The following ZNF133 variants were observed in gnomAD, a reference collection of about 807,000 sequenced individuals.
ZNF133 encodes zinc finger protein 133.
In ZNF133, 26 loss-of-function variants were observed where a neutral mutation model predicts 54.9. The observed-to-expected ratio is 0.47, with a 90% CI of 0.35 to 0.66. ZNF133 has a LOEUF of 0.66. Among genes scored for constraint, ZNF133 ranks in the 30% least tolerant of loss-of-function variants. ZNF133 has a pLI of 0.01. For synonymous variants in ZNF133, 298 were observed against 320.3 expected, an observed-to-expected ratio of 0.93 and a Z score of 0.74; for missense variants, 653 against 820.8, an observed-to-expected ratio of 0.80 and a Z score of 2.50.
chr20:18,306,477 G>A (rs949255435), intron 6 of ZNF133, 84 bp downstream of exon 6: 3 of 1,394,776 alleles, frequency 2.2e-6, no homozygotes, highest in African/African-American at 1.4e-5. Context: ...TCAGGTGCTG[G>A]GGAGGGAAGC....
Position 18,315,533 on chromosome 20 carries a change from A to G in ZNF133, c.682A>G (p.Asn228Asp). ...ECGLSFSKMT[N>D]LLSHQRIHSG... ...TGGACTGAGCTTCAGCAAGATGACAAACCTGCTCAGTCACCAGCGGATACA... is the reference window on the plus strand; with the variant it reads ...TGGACTGAGCTTCAGCAAGATGACAGACCTGCTCAGTCACCAGCGGATACA... The change falls in exon 7 of 7, where the codon AAC becomes GAC. Residue 228 changes from asparagine to aspartate, a missense_variant. Around this residue, in one of 4 missense-constraint regions of ZNF133, gnomAD observed 292 missense variants for 431.6 expected, o/e 0.68. Transcript: ENST00000425686. 1 of 1,614,230 alleles carries G rather than the reference A, an allele frequency of 6.2e-7. No individual in the cohort carries two copies. Among genetic ancestry groups the G allele is most frequent in the Non-Finnish European group, 8.5e-7 (1 of 1,180,040 alleles).
chr20:18,294,161 G>T (rs578140646), intron 1 of ZNF133, among the ~76,000 whole-genome samples: 45 of 152,120 alleles, frequency 3.0e-4, no homozygotes, highest in Non-Finnish European at 5.1e-4. Flanking sequence ...GGTTAATATC[G>T]CCAGTAAAAA....
Position 18,315,610 on chromosome 20 carries a change from AAAG to A in ZNF133, c.764_766del (p.Lys255del). ...GGGTATGTGAGAAGGGCTTCAGCCT[AAAG>A]AAGAGCCTCGCCAGACACCAGAAGG... On this transcript the variant is annotated inframe_deletion, in exon 7 of 7. Coordinates refer to ENST00000425686, the MANE Select transcript of ZNF133 (RefSeq NM_001352452.2). 6.2e-7 allele frequency: 1 copy of A among 1,612,644 alleles called. No homozygotes were observed. The highest frequency in any genetic ancestry group is 8.5e-7 in the Non-Finnish European group (1 of 1,179,510).
At chr20:18,293,661 C>A (rs1280460047) in intron 1 of ZNF133, among the ~76,000 whole-genome samples, 1 of 151,676 alleles carries the variant, frequency 6.6e-6, no homozygotes, top group African/African-American at 2.4e-5. Context: ...TAAATCCATA[C>A]TGATATAAAT....
chr20:18,316,798 T>C lies in ZNF133; in HGVS notation c.1947T>C (p.Asp649=). 6.2e-7 allele frequency: 1 copy of C among 1,611,724 alleles called. No homozygotes were observed. The highest frequency in any genetic ancestry group is 1.3e-5 in the African/African-American group (1 of 75,022). ...AGCCGTGTGCAGGGCAACCTTCGGATTCCTTATACTCTCTCTGAAGGCAAA... is the reference window on the plus strand; with the variant it reads ...AGCCGTGTGCAGGGCAACCTTCGGACTCCTTATACTCTCTCTGAAGGCAAA... ...DPEPCAGQPS[D]SLYSL is the part of the protein sequence containing the mutation. The change falls in exon 7 of 7, where the codon GAT becomes GAC. Residue 649 remains aspartate, a synonymous_variant. Coordinates refer to ENST00000425686, the MANE Select transcript of ZNF133 (RefSeq NM_001352452.2).
chr20:18,311,210 A>C (rs1318891700), intron 6 of ZNF133, among the ~76,000 whole-genome samples: 1 of 151,694 alleles, frequency 6.6e-6, no homozygotes, highest in Non-Finnish European at 1.5e-5. Flanking sequence ...AGTCCCAGCT[A>C]CTTAGGAAGC....
chr20:18,315,818 G>A lies in ZNF133; in HGVS notation c.967G>A (p.Glu323Lys). 6.2e-7 allele frequency: 1 copy of A among 1,612,584 alleles called. No individual in the cohort carries two copies. The highest frequency in any genetic ancestry group is 8.5e-7 in the Non-Finnish European group (1 of 1,178,870). The change falls in exon 7 of 7, where the codon GAA (glutamate) becomes AAA (lysine). Residue 323 changes from glutamate (E) to lysine (K), a missense_variant. Transcript: ENST00000425686. Reference sequence around the variant, plus strand: ...CATACACCAGAGGACACACTCAGGGGAAAAGCCTTACGTGTGCCGGGAATG... The same window carrying A: ...CATACACCAGAGGACACACTCAGGGAAAAAGCCTTACGTGTGCCGGGAATG... ...LIIHQRTHSGEKPYVCRECGK... is the reference protein window; with the variant it reads ...LIIHQRTHSGKKPYVCRECGK...
intron 6 of ZNF133, 72 bp from the exon 7 acceptor site, chr20:18,314,997 G>T (rs528819623): frequency 2.7e-6 from 4 of 1,455,746 alleles, no homozygotes; most frequent in South Asian, 1.4e-5. Flanking sequence ...GAAGCCTAGG[G>T]GATCTGACTA....
intron 3 of ZNF133, among the ~76,000 whole-genome samples, chr20:18,301,632 A>G (rs559666650): frequency 6.6e-6 from 1 of 152,328 alleles, no homozygotes; most frequent in South Asian, 2.1e-4. Context: ...AGAACTATAA[A>G]TTGTATGCCA....
At position 18,315,167 on chromosome 20, in the gene ZNF133, T is replaced by A; in HGVS notation, c.316T>A (p.Trp106Arg). 6.2e-7 allele frequency: 1 copy of A among 1,612,414 alleles called. No individual in the cohort carries two copies. The highest frequency in any genetic ancestry group is 8.5e-7 in the Non-Finnish European group (1 of 1,178,960). The part of the protein sequence containing the change: ...MQHVLCNHPP[W>R]IFTCLCAEGN... ...GCATGTGCTGTGTAATCATCCCCCC[T>A]GGATCTTCACATGCTTGTGTGCAGA... The change falls in exon 7 of 7, where the codon TGG (tryptophan) becomes AGG (arginine). Residue 106 changes from tryptophan to arginine, a missense_variant. Trp to Arg is a moderately radical substitution (Grantham distance 101). Coordinates refer to ENST00000425686, the MANE Select transcript of ZNF133 (RefSeq NM_001352452.2).
In ZNF133 at chr20:18,305,478, C is replaced by A. The variant is rs1365968844; in HGVS notation, c.-6-203C>A. On this transcript the variant is annotated intron_variant, in intron 4 of 6. Coordinates refer to ENST00000425686, the MANE Select transcript of ZNF133 (RefSeq NM_001352452.2). The surrounding 1 kb of genome is among the most constrained non-coding windows in gnomAD (Gnocchi z 4.7). ...TTGTGCACATATACCCTGTGTGGCC[C>A]CCCAGGATCTTGACTGTATGGGTTC... Among the ~76,000 whole-genome samples, 3 of 152,106 alleles carry A rather than the reference C, an allele frequency of 2.0e-5. No individual in the cohort carries two copies. Among genetic ancestry groups the A allele is most frequent in the African/African-American group, 7.2e-5 (3 of 41,414 alleles).
intron 6 of ZNF133, among the ~76,000 whole-genome samples, chr20:18,309,415 A>C (rs780967720): frequency 5.9e-5 from 9 of 152,226 alleles, no homozygotes; most frequent in Non-Finnish European, 1.3e-4. Flanking sequence ...GTATAAGCTG[A>C]AAGGTCATGG....
chr20:18,313,291 A>G (rs574295462), intron 6 of ZNF133: 5 of 152,368 alleles, frequency 3.3e-5, no homozygotes, highest in African/African-American at 4.8e-5. Context: ...TGTTAAAACC[A>G]TGTTGAATTA....
intron 3 of ZNF133, among the ~76,000 whole-genome samples, chr20:18,304,272 G>C (rs915135463): frequency 2.0e-5 from 3 of 152,184 alleles, no homozygotes; most frequent in African/African-American, 7.2e-5. Context: ...AGTAAGTGTT[G>C]ACAAGGTTGT....
At chr20:18,294,090 G>A (rs1029996022) in intron 1 of ZNF133, among the ~76,000 whole-genome samples, 1 of 152,176 alleles carries the variant, frequency 6.6e-6, no homozygotes, top group African/African-American at 2.4e-5. Context: ...AAAGGGAAAT[G>A]TAGTGACTTT....
chr20:18,301,640 C>G (rs753936247), intron 3 of ZNF133, among the ~76,000 whole-genome samples: 3 of 152,064 alleles, frequency 2.0e-5, no homozygotes, highest in Non-Finnish European at 2.9e-5. Flanking sequence ...AAATTGTATG[C>G]CAACAAATCG....
chr20:18,313,484 A>C (rs906987467), intron 6 of ZNF133: 4 of 152,226 alleles, frequency 2.6e-5, no homozygotes, highest in Non-Finnish European at 5.9e-5. Context: ...TGCTTAACTC[A>C]GGACAGACAC....
chr20:18,290,543 T>C (rs1455614983), intron 1 of ZNF133, among the ~76,000 whole-genome samples: 1 of 152,222 alleles, frequency 6.6e-6, no homozygotes, highest in Non-Finnish European at 1.5e-5. Context: ...TATTTTGTTA[T>C]ACCCAACAAA....
rs1473585671 is a variant in ZNF133 at position 18,315,674 on chromosome 20, T to A, written c.823T>A (p.Cys275Ser). Reference sequence around the variant, plus strand: ...GGAGAAGCCAATTGTGTGCAGGGAGTGTGGACGAGGCTTTAACCGGAAGTC... The same window carrying A: ...GGAGAAGCCAATTGTGTGCAGGGAGAGTGGACGAGGCTTTAACCGGAAGTC... ...SGEKPIVCRE[C>S]GRGFNRKSTL... is the part of the protein sequence containing the mutation. Residue 275 changes from cysteine (C) to serine (S), a missense_variant, in exon 7 of 7, where the codon TGT (cysteine) becomes AGT (serine). Coordinates refer to ENST00000425686, the MANE Select transcript of ZNF133 (RefSeq NM_001352452.2). The A allele has an allele frequency of 6.2e-7, 1 of 1,613,520 alleles. No homozygotes were observed. The highest frequency in any genetic ancestry group is 1.3e-5 in the African/African-American group (1 of 74,842).
Sources: allele counts gnomAD v4.1 joint callset (sites outside exome capture counted in the v4.1 genomes callset), GRCh38; gene constraint gnomAD v4.1.1; regional missense constraint gnomAD v4.1.1; non-coding constraint Gnocchi (gnomAD v3.1); transcripts MANE v1.5; gene names NCBI Gene and HGNC (gene_info 2026-07-23, HGNC 2026-07-21).